The following BMPER variants were observed in gnomAD, a reference collection of about 807,000 sequenced individuals.
BMPER encodes BMP-binding endothelial regulator protein.
In BMPER, 45 loss-of-function variants were observed where a neutral mutation model predicts 87.3. That is an observed-to-expected ratio of 0.52 (90% CI 0.41 to 0.66). The LOEUF is 0.66. Ranked by LOEUF, BMPER falls within the 30% of genes least tolerant of loss-of-function variation. The pLI, the probability that BMPER is intolerant of heterozygous loss-of-function variation, is 0.00. For synonymous variants in BMPER, 326 were observed against 316.2 expected, an observed-to-expected ratio of 1.03 and a Z score of -0.33; for missense variants, 784 against 867.5, an observed-to-expected ratio of 0.90 and a Z score of 1.21.
At chr7:34,001,441 G>A (rs1786577208) in intron 6 of BMPER, among the ~76,000 whole-genome samples, 1 of 151,734 alleles carries the variant, frequency 6.6e-6, no homozygotes, top group East Asian at 1.9e-4. Context: ...TCCATTTCAT[G>A]TAGGTTTTCT....
intron 13 of BMPER, among the ~76,000 whole-genome samples, chr7:34,121,328 G>A (rs1437494268): frequency 1.3e-5 from 2 of 152,096 alleles, no homozygotes; most frequent in African/African-American, 4.8e-5. Context: ...ATGAACAAAA[G>A]CTTAAGTTAC....
At chr7:34,063,796 TG>T (rs1294321241) in intron 11 of BMPER, among the ~76,000 whole-genome samples, 1 of 152,254 alleles carries the variant, frequency 6.6e-6, no homozygotes, top group Admixed American at 6.5e-5. Flanking sequence ...TCTACACTGA[TG>T]AAGTTTTCCT....
chr7:33,913,868 A>T (rs1784023743), intron 2 of BMPER, among the ~76,000 whole-genome samples: 1 of 151,786 alleles, frequency 6.6e-6, no homozygotes, highest in Admixed American at 6.6e-5. Context: ...TCTCAGTGAC[A>T]CCCTGCCTTA....
intron 13 of BMPER, among the ~76,000 whole-genome samples, chr7:34,118,196 T>G (rs1247940593): frequency 6.6e-6 from 1 of 151,930 alleles, no homozygotes; most frequent in South Asian, 2.1e-4. Context: ...TCCCAGCTAC[T>G]CAGGAGGCTA....
At chr7:33,920,666 T>C (rs1410835981) in intron 2 of BMPER, among the ~76,000 whole-genome samples, 2 of 151,978 alleles carry the variant, frequency 1.3e-5, no homozygotes, top group Non-Finnish European at 2.9e-5. Context: ...CTTTGTGATC[T>C]GTCCACCTTG....
chr7:34,015,552 G>A (rs1786999171), intron 6 of BMPER, among the ~76,000 whole-genome samples: 2 of 151,920 alleles, frequency 1.3e-5, no homozygotes, highest in African/African-American at 2.4e-5. Flanking sequence ...CTGTGACAGA[G>A]CTTCCAACTT....
chr7:33,993,926 C>T (rs969287382), intron 6 of BMPER, among the ~76,000 whole-genome samples: 7 of 152,212 alleles, frequency 4.6e-5, no homozygotes, highest in African/African-American at 1.7e-4. Flanking sequence ...CCCAGTTAGG[C>T]TGCTCGGGGG....
chr7:34,002,396 G>A (rs897231943), intron 6 of BMPER, among the ~76,000 whole-genome samples: 60 of 151,666 alleles, frequency 4.0e-4, no homozygotes, highest in African/African-American at 1.3e-3. Context: ...AATGTTCTTA[G>A]CATGATTAAG....
Position 34,079,117 on chromosome 7 carries a change from C to T in BMPER, c.1339C>T (p.Leu447Phe). The T allele has an allele frequency of 3.1e-6, 5 of 1,613,870 alleles. No individual in the cohort carries two copies. Among genetic ancestry groups the T allele is most frequent in the Non-Finnish European group, 4.2e-6 (5 of 1,179,952 alleles). ...TVRWNGSRIA[L>F]PCRAPHFHID... ...GCGCTGGAACGGCTCGCGCATCGCG[C>T]TCCCCTGCCGCGCGCCACACTTCCA... Residue 447 changes from leucine to phenylalanine, a missense_variant, in exon 12 of 15, where the codon CTC becomes TTC. Coordinates refer to ENST00000649409, the MANE Select transcript of BMPER (RefSeq NM_001365308.1).
intron 6 of BMPER, among the ~76,000 whole-genome samples, chr7:34,009,809 C>T (rs1043101535): frequency 1.9e-4 from 29 of 151,938 alleles, no homozygotes; most frequent in Non-Finnish European, 3.4e-4. Flanking sequence ...CTTCTCAAAA[C>T]ATTTTTCTTC....
chr7:34,083,528 C>T (rs943248444), intron 12 of BMPER, among the ~76,000 whole-genome samples: 42 of 152,228 alleles, frequency 2.8e-4, no homozygotes, highest in Admixed American at 2.6e-4. Flanking sequence ...CCTTATGGGT[C>T]TTTCCATTTA....
At chr7:33,964,231 C>G (rs1459391389) in intron 3 of BMPER, among the ~76,000 whole-genome samples, 4 of 152,098 alleles carry the variant, frequency 2.6e-5, no homozygotes, top group Non-Finnish European at 1.5e-5. Flanking sequence ...CATATGAAAT[C>G]CATTCTAGTG....
At position 33,945,449 on chromosome 7, in the gene BMPER, G is replaced by A. The variant is rs1190749043; in HGVS notation, c.319+8061G>A. Among the ~76,000 whole-genome samples the A allele has an allele frequency of 4.6e-4, 69 of 150,314 alleles. 3 individuals are homozygous for A. The highest frequency in any genetic ancestry group is 9.8e-5 in the African/African-American group (4 of 40,768). On this transcript the variant is annotated intron_variant, in intron 3 of 14. Coordinates refer to ENST00000649409, the MANE Select transcript of BMPER (RefSeq NM_001365308.1). ...GTATTTTTAGTAGAGACGGGGTTTC[G>A]CCATGTTGGCCAGGCTGGTCTTGAA...
chr7:33,930,953 G>A (rs544668177), intron 2 of BMPER, among the ~76,000 whole-genome samples: 1 of 152,168 alleles, frequency 6.6e-6, no homozygotes, highest in East Asian at 1.9e-4. Context: ...CTGTCTCAAA[G>A]AAAAGCAATG....
chr7:34,147,139 T>C (rs981398169), intron 14 of BMPER, among the ~76,000 whole-genome samples: 9 of 152,300 alleles, frequency 5.9e-5, no homozygotes, highest in East Asian at 1.9e-4. Context: ...ATGTGAACAG[T>C]TTTCTTCCTC....
chr7:34,145,547 A>G (rs1396053081), intron 14 of BMPER, among the ~76,000 whole-genome samples: 1 of 152,182 alleles, frequency 6.6e-6, no homozygotes, highest in African/African-American at 2.4e-5. Context: ...TGTGAGGGTG[A>G]GGTTTTTGAA....
intron 6 of BMPER, among the ~76,000 whole-genome samples, chr7:34,037,288 A>G (rs1330814508): frequency 6.6e-6 from 1 of 152,154 alleles, no homozygotes; most frequent in Non-Finnish European, 1.5e-5. Context: ...TATTTGCTTT[A>G]TGAAATTATG....
intron 11 of BMPER, among the ~76,000 whole-genome samples, chr7:34,064,255 C>T (rs935494977): frequency 1.8e-4 from 27 of 149,760 alleles, no homozygotes; most frequent in African/African-American, 6.2e-4. Context: ...CATGCCACTG[C>T]ACTCCAGCTT....
chr7:33,913,975 TTTTTG>T, intron 2 of BMPER, among the ~76,000 whole-genome samples: 1 of 151,554 alleles, frequency 6.6e-6, no homozygotes. Context: ...TTTTTTTTTT[TTTTTG>T]AGATGGAGTC....
Sources: gnomAD v4.1 joint callset for allele counts (sites outside exome capture counted in the v4.1 genomes callset) on GRCh38, gnomAD v4.1.1 for gene constraint, MANE v1.5 for transcripts, NCBI Gene and HGNC (gene_info 2026-07-23, HGNC 2026-07-21) for gene names.